Variants in OSBPL6 observed in about 807,000 individuals in gnomAD.
OSBPL6 encodes oxysterol-binding protein-related protein 6.
In OSBPL6, 49 loss-of-function variants were observed where a neutral mutation model predicts 125.8. The observed-to-expected ratio is 0.39, with a 90% CI of 0.31 to 0.49. OSBPL6 has a LOEUF of 0.49. Among genes scored for constraint, OSBPL6 ranks in the 20% least tolerant of loss-of-function variants. The probability of loss-of-function intolerance (pLI) is 0.88; values close to 1 mark genes in which losing one functional copy is unlikely to be tolerated. For synonymous variants in OSBPL6, 394 were observed against 391.8 expected, an observed-to-expected ratio of 1.01 and a Z score of -0.07; for missense variants, 986 against 1,135.4, an observed-to-expected ratio of 0.87 and a Z score of 1.89.
chr2:178,393,290 C>T (rs1489312223), intron 23 of OSBPL6, among the ~76,000 whole-genome samples: 1 of 152,174 alleles, frequency 6.6e-6, no homozygotes, highest in Non-Finnish European at 1.5e-5. Flanking sequence ...CTGCAATTTG[C>T]CCAATGTGGT....
At chr2:178,257,859 A>G (rs1212091226) in intron 1 of OSBPL6, among the ~76,000 whole-genome samples, 1 of 151,282 alleles carries the variant, frequency 6.6e-6, no homozygotes, top group African/African-American at 2.4e-5. Flanking sequence ...GCAGTGGCAC[A>G]ATCAGTGCAG....
Position 178,394,194 on chromosome 2 carries a change from T to A in OSBPL6, c.2574-119T>A, listed in dbSNP as rs943232446. The stretch of plus-strand genomic sequence containing the variant: ...AGCCTGGCGACAGAGCAAGACTCCG[T>A]CCGTTACTGTGCGGTATTTTATGTT... On this transcript the variant is annotated intron_variant, in intron 23 of 24. Transcript: ENST00000190611. 22 of 1,300,278 alleles carry A rather than the reference T, an allele frequency of 1.7e-5. No homozygotes were observed. In the Admixed American group the frequency reaches 4.7e-4, roughly 28 times the overall value. 80.5% of individuals were successfully genotyped at this position (1,300,278 alleles called of 1,614,324 possible). A position where few individuals can be genotyped will look rare whatever the true frequency, so the allele number is the denominator to read the frequency against.
intron 19 of OSBPL6, among the ~76,000 whole-genome samples, chr2:178,386,724 G>GACACACACACACACACAC (rs10578361): frequency 2.1e-5 from 3 of 144,772 alleles, no homozygotes; most frequent in Non-Finnish European, 4.6e-5. Context: ...CACACACACA[G>GACACACACACACACACAC]ACACACACAC....
At chr2:178,282,928 C>T (rs1684347409) in intron 1 of OSBPL6, among the ~76,000 whole-genome samples, 1 of 152,188 alleles carries the variant, frequency 6.6e-6, no homozygotes, top group Non-Finnish European at 1.5e-5. Flanking sequence ...GCTGGGATTA[C>T]AGGTGTGAGC....
At position 178,394,443 on chromosome 2, in the gene OSBPL6, A is replaced by G. The variant is rs780122567; in HGVS notation, c.2696+8A>G. On this transcript the variant is annotated splice_region_variant and intron_variant, in intron 24 of 24. Coordinates refer to ENST00000190611, the MANE Select transcript of OSBPL6 (RefSeq NM_032523.4). ...TATACCAAAATTTTTTAAGTAAGTC[A>G]GTTAACTCCCATAGCAAGTTCATGT... The G allele has an allele frequency of 5.0e-6, 8 of 1,604,376 alleles. No individual in the cohort carries two copies. Among genetic ancestry groups the G allele is most frequent in the South Asian group, 1.1e-5 (1 of 88,438 alleles).
chr2:178,395,800 A>C lies in OSBPL6; in HGVS notation c.*241A>C. On this transcript the variant is annotated 3_prime_UTR_variant, in exon 25 of 25. Coordinates refer to ENST00000190611, the MANE Select transcript of OSBPL6 (RefSeq NM_032523.4). ...AAAAAAAAAAAAAAAAAAAAAAAAA[A>C]TCCACACCGTCCTTGGAAAGCAGAA... 4.1e-5 allele frequency: 19 copies of C among 464,792 alleles called. No homozygotes were observed. Among genetic ancestry groups the C allele is most frequent in the East Asian group, 1.6e-4 (3 of 19,032 alleles). The allele number at this position is 464,792 out of a possible 1,614,324, so 28.8% of individuals were successfully genotyped here.
At chr2:178,268,011 G>A (rs546236884) in intron 1 of OSBPL6, among the ~76,000 whole-genome samples, 11 of 152,156 alleles carry the variant, frequency 7.2e-5, no homozygotes, top group South Asian at 2.1e-4. Flanking sequence ...ATTACTGAGT[G>A]AATGACTGAT....
At chr2:178,312,403 C>G (rs955647218) in intron 3 of OSBPL6, among the ~76,000 whole-genome samples, 5 of 151,726 alleles carry the variant, frequency 3.3e-5, no homozygotes, top group Admixed American at 2.0e-4. Context: ...TGGTGATCGC[C>G]TGCCTCGGCC....
At chr2:178,293,777 C>A (rs1685491977) in intron 2 of OSBPL6, among the ~76,000 whole-genome samples, 2 of 151,996 alleles carry the variant, frequency 1.3e-5, no homozygotes. Flanking sequence ...CCTCACCTCC[C>A]CCCACCCTCC....
chr2:178,390,049 G>A (rs771984343), intron 21 of OSBPL6, among the ~76,000 whole-genome samples: 5 of 152,158 alleles, frequency 3.3e-5, no homozygotes, highest in Non-Finnish European at 5.9e-5. Flanking sequence ...CTCTGGCTGG[G>A]TGATGATGTA....
In OSBPL6 at chr2:178,374,065, T is replaced by C. The variant is rs373051272; in HGVS notation, c.1533+38T>C. 3.1e-6 allele frequency: 5 copies of C among 1,598,642 alleles called. No homozygotes were observed. In the Middle Eastern group the frequency reaches 5.1e-4, roughly 163 times the overall value. The stretch of plus-strand genomic sequence containing the variant: ...CCTTGACTTGTTGGCCTCAACATCT[T>C]GTGACTGAGTTTGAGTTAAAGAACA... On this transcript the variant is annotated intron_variant, in intron 15 of 24. Transcript: ENST00000190611.
At chr2:178,257,246 T>C (rs2091915638) in intron 1 of OSBPL6, among the ~76,000 whole-genome samples, 1 of 152,218 alleles carries the variant, frequency 6.6e-6, no homozygotes. Flanking sequence ...TCATTTAAAA[T>C]ATTAAACAAA....
intron 1 of OSBPL6, among the ~76,000 whole-genome samples, chr2:178,249,631 C>T (rs1026663929): frequency 6.6e-6 from 1 of 152,076 alleles, no homozygotes; most frequent in African/African-American, 2.4e-5. Flanking sequence ...CTTTGCTTTG[C>T]GTTTAAGGTA....
rs192638767 is a variant in OSBPL6, at chr2:178,326,485, A to G, written c.196-1771A>G. On this transcript the variant is annotated intron_variant, in intron 4 of 24. Transcript: ENST00000190611. The stretch of plus-strand genomic sequence containing the variant: ...AATTGGAGACTTTTAAACAGAAAAA[A>G]TATCAACTGAAATTACAAAAACAAA... Among the ~76,000 whole-genome samples, 323 of 152,348 alleles carry G rather than the reference A, an allele frequency of 2.1e-3. 2 individuals carry two copies. The highest frequency in any genetic ancestry group is 6.6e-4 in the Non-Finnish European group (45 of 68,042).
chr2:178,268,693 T>C (rs2092305681), intron 1 of OSBPL6, among the ~76,000 whole-genome samples: 1 of 152,230 alleles, frequency 6.6e-6, no homozygotes, highest in African/African-American at 2.4e-5. Flanking sequence ...AATCATTCTT[T>C]TTTTATTCTG....
At chr2:178,195,127 C>T (rs953112781) in intron 1 of OSBPL6, among the ~76,000 whole-genome samples, 2 of 152,198 alleles carry the variant, frequency 1.3e-5, no homozygotes, top group African/African-American at 2.4e-5. Flanking sequence ...CCCGCGCCCG[C>T]GAGAGCTAAC....
chr2:178,310,768 A>C (rs1030171063), intron 3 of OSBPL6, among the ~76,000 whole-genome samples: 1 of 152,238 alleles, frequency 6.6e-6, no homozygotes, highest in African/African-American at 2.4e-5. Context: ...CCCAGCTTAC[A>C]CTGCCTCCAT....
chr2:178,292,458 A>G (rs1685372160), intron 2 of OSBPL6, among the ~76,000 whole-genome samples: 1 of 152,182 alleles, frequency 6.6e-6, no homozygotes, highest in Non-Finnish European at 1.5e-5. Flanking sequence ...GACTACAAAG[A>G]TGAAGGAAAA....
chr2:178,277,144 T>A (rs1471435510), intron 1 of OSBPL6, among the ~76,000 whole-genome samples: 1 of 152,238 alleles, frequency 6.6e-6, no homozygotes, highest in African/African-American at 2.4e-5. Context: ...AAGATTAGGA[T>A]GTGTCCTAAG....
Sources: gnomAD v4.1 joint callset for allele counts (sites outside exome capture counted in the v4.1 genomes callset) on GRCh38, gnomAD v4.1.1 for gene constraint, MANE v1.5 for transcripts, NCBI Gene and HGNC (gene_info 2026-07-23, HGNC 2026-07-21) for gene names.